MAN2A2: variants seen among roughly 807,000 people sequenced by gnomAD.
MAN2A2 encodes mannosidase alpha class 2A member 2.
MAN2A2 carries 79 observed loss-of-function variants against 126.8 expected under a neutral mutation model. That is an observed-to-expected ratio of 0.62 (90% confidence interval 0.52 to 0.75). The LOEUF is 0.75. Among genes scored for constraint, MAN2A2 ranks in the 30% least tolerant of loss-of-function variants. MAN2A2 has a pLI of 0.00. For synonymous variants in MAN2A2, 671 were observed against 618.7 expected, an observed-to-expected ratio of 1.08 and a Z score of -1.25; for missense variants, 1,392 against 1,522.4, an observed-to-expected ratio of 0.91 and a Z score of 1.43.
At chr15:90,903,118 GTC>G (rs1331543552), upstream of MAN2A2, 1 of 152,142 alleles carries the variant, frequency 6.6e-6, no homozygotes, top group Non-Finnish European at 1.5e-5. Flanking sequence ...CCTGGCGCCT[GTC>G]TCTGCGGTCC....
chr15:90,908,003 A>G (rs2034435910), intron 8 of MAN2A2, among the ~76,000 whole-genome samples: 2 of 152,254 alleles, frequency 1.3e-5, no homozygotes, highest in South Asian at 4.1e-4. Context: ...CCAAACAGCA[A>G]TTTAGTCAGA....
chr15:90,907,258 G>A, intron 7 of MAN2A2, 51 bp from the exon 8 acceptor site: 1 of 1,561,366 alleles, frequency 6.4e-7, no homozygotes, highest in Non-Finnish European at 8.8e-7. Context: ...TTGCCCCCCT[G>A]GCGTCCAGAG....
Position 90,913,609 on chromosome 15 carries a change from C to T in MAN2A2, c.2719-5C>T. 5 of 1,608,178 alleles carry T rather than the reference C, an allele frequency of 3.1e-6. No homozygotes were observed. The highest frequency in any genetic ancestry group is 4.2e-6 in the Non-Finnish European group (5 of 1,177,764). On this transcript the variant is annotated splice_polypyrimidine_tract_variant and splice_region_variant and intron_variant, in intron 18 of 22. Coordinates refer to ENST00000559717, the MANE Select transcript of MAN2A2 (RefSeq NM_006122.4). ...GCCCTTGATCTGCTGGCCTTGCCCC[C>T]ACAGGTGCAGCCCCGACGGTATCTG...
rs532364766 is a variant in MAN2A2 at position 90,910,517 on chromosome 15, T to C, written c.1594T>C (p.Tyr532His). ...TCTGGGCAGGGGGGCAGAGGTTCTGTACAGCCTGGCTGCAGCTCACGCTCG... is the reference window on the plus strand; with the variant it reads ...TCTGGGCAGGGGGGCAGAGGTTCTGCACAGCCTGGCTGCAGCTCACGCTCG... Reference protein sequence around the residue: ...EAHLRGAEVLYSLAAAHARRS... With the variant: ...EAHLRGAEVLHSLAAAHARRS... The change falls in exon 11 of 23, where the codon TAC becomes CAC. Residue 532 changes from tyrosine (Y) to histidine (H), a missense_variant. Transcript: ENST00000559717. 1.2e-6 allele frequency: 2 copies of C among 1,613,998 alleles called. No homozygotes were observed. Among genetic ancestry groups the C allele is most frequent in the Admixed American group, 1.7e-5 (1 of 60,030 alleles).
At chr15:90,910,794 G>A in intron 11 of MAN2A2, 53 bp from the exon 12 acceptor site, 1 of 1,600,416 alleles carries the variant, frequency 6.2e-7, no homozygotes, top group South Asian at 1.1e-5. Context: ...TGACAAGGCA[G>A]ACAGCTTCCC....
At chr15:90,906,676 G>A in intron 6 of MAN2A2, 64 bp from the exon 7 acceptor site, 1 of 1,589,166 alleles carries the variant, frequency 6.3e-7, no homozygotes, top group Non-Finnish European at 8.6e-7. Flanking sequence ...CCAGCACCTG[G>A]AAGGCCGGGG....
At chr15:90,910,728 C>T (rs759714302) in intron 11 of MAN2A2, 45 bp downstream of exon 11, 2 of 1,608,744 alleles carry the variant, frequency 1.2e-6, no homozygotes, top group Non-Finnish European at 1.7e-6. Context: ...TGCTCACTGT[C>T]CCAAAGAAAG....
rs8032127 is a variant in MAN2A2, at chr15:90,910,433, C to T, written c.1578-68C>T. The T allele has an allele frequency of 8.3e-5, 132 of 1,588,406 alleles. 1 individual carries two copies. The South Asian group carries it at 1.4e-3, about 17-fold the overall frequency. ...GGAGGGGTGGGAAGGAAGGAGGCTG[C>T]ACTGGCAGAGTGTGGGTGGGCCCTG... On this transcript the variant is annotated intron_variant, in intron 10 of 22. Transcript: ENST00000559717.
At chr15:90,922,581 T>C (rs2035587081), downstream of MAN2A2, 2 of 152,090 alleles carry the variant, frequency 1.3e-5, no homozygotes, top group South Asian at 4.1e-4. Context: ...TCTTTGGAAG[T>C]CTTAGATGTG....
intron 19 of MAN2A2, among the ~76,000 whole-genome samples, chr15:90,915,186 T>A (rs1032205580): frequency 3.9e-5 from 6 of 152,216 alleles, no homozygotes; most frequent in African/African-American, 1.4e-4. Flanking sequence ...CTCTGGGATA[T>A]GGTATTTGAA....
chr15:90,919,040 G>C (rs1455602034), intron 22 of MAN2A2, among the ~76,000 whole-genome samples: 1 of 152,208 alleles, frequency 6.6e-6, no homozygotes, highest in Non-Finnish European at 1.5e-5. Flanking sequence ...TTGTTACTTT[G>C]TAAGCTCATA....
At chr15:90,913,517 G>C in intron 18 of MAN2A2, 97 bp from the exon 19 acceptor site, 1 of 1,560,822 alleles carries the variant, frequency 6.4e-7, no homozygotes, top group Non-Finnish European at 8.7e-7. Context: ...AAAGATGAAT[G>C]AGAGGCGAAG....
At position 90,917,893 on chromosome 15, in the gene MAN2A2, T is replaced by TGTGTGAGGGGAGACATGGCTG. The variant is rs1274665004; in HGVS notation, c.2995-300_2995-280dup. ...CCATCCTCCCTGCACTGTGGATCCA[T>TGTGTGAGGGGAGACATGGCTG]GTGTGAGGGGAGACATGGCTGATGG... On this transcript the variant is annotated intron_variant, in intron 20 of 22. Coordinates refer to ENST00000559717, the MANE Select transcript of MAN2A2 (RefSeq NM_006122.4). 4 of 345,232 alleles carry TGTGTGAGGGGAGACATGGCTG rather than the reference T, an allele frequency of 1.2e-5. No individual in the cohort carries two copies. The Admixed American group carries it at 1.6e-4, about 14-fold the overall frequency. 21.4% of individuals were successfully genotyped at this position (345,232 alleles called of 1,614,324 possible).
chr15:90,907,019 G>A lies in MAN2A2; in HGVS notation c.1009+106G>A, dbSNP rs180745794. ...CACTGTTCTTCAGAGCAGACCTGCA[G>A]GCACTGGTGTGGACTGCCAGAAATG... On this transcript the variant is annotated intron_variant, in intron 7 of 22. Transcript: ENST00000559717. 547 of 1,398,360 alleles carry A rather than the reference G, an allele frequency of 3.9e-4. No individual in the cohort carries two copies. In the African/African-American group the frequency reaches 6.9e-3, roughly 18 times the overall value. 86.6% of individuals were successfully genotyped at this position (1,398,360 alleles called of 1,614,324 possible). A position where few individuals can be genotyped will look rare whatever the true frequency, so the allele number is the denominator to read the frequency against.
In MAN2A2 at chr15:90,912,962, A is replaced by G; in HGVS notation, c.2555A>G (p.His852Arg). The G allele has an allele frequency of 6.2e-7, 1 of 1,613,872 alleles. No homozygotes were observed. The highest frequency in any genetic ancestry group is 8.5e-7 in the Non-Finnish European group (1 of 1,179,884). Residue 852 changes from histidine (H) to arginine (R), a missense_variant, in exon 17 of 23, where the codon CAC (histidine) becomes CGC (arginine). His to Arg is a conservative substitution (Grantham distance 29). Transcript: ENST00000559717. ...SEVVAYYEHI[H>R]QAVRLYNLPG... is the part of the protein sequence containing the mutation. Reference sequence around the variant, plus strand: ...GTGGTTGCGTACTATGAGCACATTCACCAGGCGGTCCGGCTTTACAATCTG... The same window carrying G: ...GTGGTTGCGTACTATGAGCACATTCGCCAGGCGGTCCGGCTTTACAATCTG...
Position 90,911,739 on chromosome 15 carries a change from G to C in MAN2A2, c.2109+189G>C. 4.6e-6 allele frequency: 3 copies of C among 651,538 alleles called. No individual in the cohort carries two copies. The South Asian group carries it at 5.9e-5, about 13-fold the overall frequency. 40.4% of individuals were successfully genotyped at this position (651,538 alleles called of 1,614,324 possible). ...GATTTGAGCGTGTCCTTGAAAAGAA[G>C]GGGAAGGTTGGTATGGTAATAGTAA... On this transcript the variant is annotated intron_variant, in intron 14 of 22. Transcript: ENST00000559717.
chr15:90,915,112 G>A (rs920072601), intron 19 of MAN2A2, among the ~76,000 whole-genome samples: 1 of 152,166 alleles, frequency 6.6e-6, no homozygotes, highest in Non-Finnish European at 1.5e-5. Context: ...GCAGCCCCTG[G>A]TCCATCTGTG....
rs773489112 is a variant in MAN2A2 at position 90,912,973 on chromosome 15, C to T, written c.2566C>T (p.Arg856Trp). 5.0e-6 allele frequency: 8 copies of T among 1,613,670 alleles called. No individual in the cohort carries two copies. The highest frequency in any genetic ancestry group is 1.3e-5 in the African/African-American group (1 of 74,892). Reference protein sequence around the residue: ...AYYEHIHQAVRLYNLPGVEGL... With the variant: ...AYYEHIHQAVWLYNLPGVEGL... The stretch of plus-strand genomic sequence containing the variant: ...CTATGAGCACATTCACCAGGCGGTC[C>T]GGCTTTACAATCTGCCAGGTGAGCC... The change falls in exon 17 of 23, where the codon CGG (arginine) becomes TGG (tryptophan). Residue 856 changes from arginine (R) to tryptophan (W), a missense_variant. Coordinates refer to ENST00000559717, the MANE Select transcript of MAN2A2 (RefSeq NM_006122.4).
In MAN2A2 at chr15:90,910,539, C is replaced by T; in HGVS notation, c.1616C>T (p.Ala539Val). The T allele has an allele frequency of 6.2e-7, 1 of 1,614,090 alleles. No homozygotes were observed. The highest frequency in any genetic ancestry group is 8.5e-7 in the Non-Finnish European group (1 of 1,180,036). ...CTGTACAGCCTGGCTGCAGCTCACGCTCGCCGCTCTGGTCTGGCTGGCCGG... is the reference window on the plus strand; with the variant it reads ...CTGTACAGCCTGGCTGCAGCTCACGTTCGCCGCTCTGGTCTGGCTGGCCGG... The part of the protein sequence containing the change: ...EVLYSLAAAH[A>V]RRSGLAGRYP... Residue 539 changes from alanine to valine, a missense_variant, in exon 11 of 23, where the codon GCT becomes GTT. Physicochemically the swap from Ala to Val is moderately conservative, Grantham distance 64. Coordinates refer to ENST00000559717, the MANE Select transcript of MAN2A2 (RefSeq NM_006122.4).
Sources: allele counts gnomAD v4.1 joint callset (sites outside exome capture counted in the v4.1 genomes callset), GRCh38; gene constraint gnomAD v4.1.1; transcripts MANE v1.5; gene names NCBI Gene and HGNC (gene_info 2026-07-23, HGNC 2026-07-21).